UNC80: variants seen among roughly 807,000 people sequenced by gnomAD.
UNC80 encodes the protein protein unc-80 homolog.
UNC80 carries 164 observed loss-of-function variants against 384.6 expected under a neutral mutation model. The observed-to-expected ratio is 0.43, with a 90% CI of 0.38 to 0.49. UNC80 has a LOEUF of 0.49. UNC80 is among the 20% of genes least tolerant of loss of function. UNC80 has a pLI of 0.00. For synonymous variants in UNC80, 1,486 were observed against 1,527.8 expected, an observed-to-expected ratio of 0.97 and a Z score of 0.64; for missense variants, 3,330 against 4,143.0, an observed-to-expected ratio of 0.80 and a Z score of 5.39.
intron 7 of UNC80, among the ~76,000 whole-genome samples, chr2:209,807,052 A>C (rs1024152328): frequency 6.6e-5 from 10 of 152,216 alleles, no homozygotes; most frequent in African/African-American, 2.4e-4. Flanking sequence ...TTCTGTCATA[A>C]CATGTTGTTT....
chr2:209,861,642 C>T (rs1462388175), intron 22 of UNC80, among the ~76,000 whole-genome samples: 1 of 152,166 alleles, frequency 6.6e-6, no homozygotes, highest in East Asian at 1.9e-4. Context: ...TGGTAGAATT[C>T]AGCTGTGAAT....
chr2:209,875,226 A>G (rs556141962), intron 23 of UNC80, among the ~76,000 whole-genome samples: 12 of 152,240 alleles, frequency 7.9e-5, no homozygotes, highest in East Asian at 1.9e-4. Context: ...TTAGGCTACA[A>G]TGCAAATTAG....
At chr2:209,932,037 T>C (rs1005662227) in intron 38 of UNC80, among the ~76,000 whole-genome samples, 1 of 152,104 alleles carries the variant, frequency 6.6e-6, no homozygotes, top group African/African-American at 2.4e-5. Flanking sequence ...TTTATCTGGG[T>C]CCTTCATTTG....
intron 26 of UNC80, among the ~76,000 whole-genome samples, chr2:209,893,531 T>G (rs2086542889): frequency 6.6e-6 from 1 of 152,202 alleles, no homozygotes. Context: ...TCGGGGGGGT[T>G]GCACCATTTG....
Position 209,775,911 on chromosome 2 carries a change from A to T in UNC80, c.164A>T (p.Glu55Val). Residue 55 changes from glutamate (E) to valine (V), a missense_variant, in exon 3 of 65, where the codon GAA becomes GTA. This residue lies in a region of UNC80 where 86 missense variants were observed against 141.5 expected (regional missense o/e 0.61). Coordinates refer to ENST00000673920, the MANE Select transcript of UNC80 (RefSeq NM_001371986.1). ...CAGTCCTTTGAGCGAGTGTTGGTAG[A>T]AAACAAGCTGCATGGCCTCTCTCCA... ...SCVSFERVLV[E>V]NKLHGLSPAL... 6.2e-7 allele frequency: 1 copy of T among 1,614,076 alleles called. No individual in the cohort carries two copies. The highest frequency in any genetic ancestry group is 8.5e-7 in the Non-Finnish European group (1 of 1,180,010).
Position 209,838,745 on chromosome 2 carries a change from A to G in UNC80, c.3042-477A>G, listed in dbSNP as rs111487576. 1.1e-3 allele frequency among the ~76,000 whole-genome samples: 174 copies of G among 152,154 alleles called. 2 individuals carry two copies. Among genetic ancestry groups the G allele is most frequent in the African/African-American group, 4.1e-3 (172 of 41,490 alleles). On this transcript the variant is annotated intron_variant, in intron 18 of 64. Transcript: ENST00000673920. ...GGCAGGCTGAGGCAGACGGATCACG[A>G]GGTCAGGAGATTGAGACCATCCTGG...
chr2:209,953,416 CAAAAAAAAA>C (rs543990253), intron 47 of UNC80, among the ~76,000 whole-genome samples: 2 of 42,442 alleles, frequency 4.7e-5, no homozygotes, highest in Non-Finnish European at 9.7e-5. Context: ...AAGACTCTGT[CAAAAAAAAA>C]AAAAAAAAAA....
rs1470614203 is a variant in UNC80, at chr2:209,772,012, G to A, written c.-61G>A. ...GTTGGGAGCAGCGGGAGGAGGCGGC[G>A]GCGGCGGCTAGCGAGGAGACAGAGC... On this transcript the variant is annotated 5_prime_UTR_variant, in exon 1 of 65. Transcript: ENST00000673920. 4.9e-5 allele frequency: 63 copies of A among 1,278,276 alleles called. No individual in the cohort carries two copies. Among genetic ancestry groups the A allele is most frequent in the Non-Finnish European group, 6.5e-5 (59 of 901,422 alleles). The allele number at this position is 1,278,276 out of a possible 1,614,324, so 79.2% of individuals were successfully genotyped here.
At chr2:209,942,839 T>A (rs1317833736) in intron 44 of UNC80, among the ~76,000 whole-genome samples, 1 of 139,520 alleles carries the variant, frequency 7.2e-6, no homozygotes, top group Non-Finnish European at 1.5e-5. Flanking sequence ...TACTTACAAA[T>A]CCTGGCACTC....
rs1016732100 is a variant in UNC80, at chr2:209,831,511, A to G, written c.2695A>G (p.Ile899Val). The G allele has an allele frequency of 1.3e-5, 20 of 1,551,362 alleles. No individual in the cohort carries two copies. Among genetic ancestry groups the G allele is most frequent in the African/African-American group, 5.5e-5 (4 of 73,002 alleles). The change falls in exon 16 of 65, where the codon ATT (isoleucine) becomes GTT (valine). Residue 899 changes from isoleucine (I) to valine (V), a missense_variant. Ile to Val is a conservative substitution (Grantham distance 29). Around this residue, in one of 8 missense-constraint regions of UNC80, gnomAD observed 937 missense variants for 1,026.8 expected, o/e 0.91. Coordinates refer to ENST00000673920, the MANE Select transcript of UNC80 (RefSeq NM_001371986.1). ...ATCCACAGCCCAAAATGTGGAAGGC[A>G]TTATCGTCAGCGCCATGTTTAAATC... is the stretch of plus-strand genomic sequence containing the variant. ...NKSTAQNVEGIIVSAMFKSLI... is the reference protein window; with the variant it reads ...NKSTAQNVEGVIVSAMFKSLI...
chr2:209,814,393 G>A (rs548168635), intron 8 of UNC80, among the ~76,000 whole-genome samples: 6 of 152,086 alleles, frequency 3.9e-5, no homozygotes, highest in African/African-American at 1.4e-4. Flanking sequence ...ACAGGCGCCC[G>A]CCACCACACC....
At chr2:209,811,124 G>A (rs2079318101) in intron 7 of UNC80, among the ~76,000 whole-genome samples, 1 of 152,156 alleles carries the variant, frequency 6.6e-6, no homozygotes, top group Non-Finnish European at 1.5e-5. Context: ...TTCAAACTGG[G>A]TCTCAGGATA....
At chr2:209,864,799 G>A (rs1289229637) in intron 22 of UNC80, among the ~76,000 whole-genome samples, 8 of 152,310 alleles carry the variant, frequency 5.3e-5, no homozygotes, top group Admixed American at 4.6e-4. Context: ...AGGTCATTGC[G>A]AGTCCCACTG....
In UNC80 at chr2:209,912,584, A is replaced by G. The variant is rs1023477727; in HGVS notation, c.4807A>G (p.Thr1603Ala). The G allele has an allele frequency of 6.4e-7, 1 of 1,551,440 alleles. No homozygotes were observed. ...GTGCTCAGATAAGTCATGCCTGAGG[A>G]CACCTTCTCTAAAGAAGAGAGTTTC... ...KECSDKSCLR[T>A]PSLKKRVSDA... The change falls in exon 30 of 65, where the codon ACA (threonine) becomes GCA (alanine). Residue 1603 changes from threonine (T) to alanine (A), a missense_variant. Thr to Ala is a moderately conservative substitution (Grantham distance 58). Transcript: ENST00000673920.
intron 22 of UNC80, among the ~76,000 whole-genome samples, chr2:209,870,709 T>C (rs2084221168): frequency 6.6e-6 from 1 of 152,208 alleles, no homozygotes; most frequent in Non-Finnish European, 1.5e-5. Context: ...GATGGCTGCA[T>C]TTAAGACATA....
chr2:209,834,931 G>A lies in UNC80; in HGVS notation c.2962G>A (p.Val988Met). ...GCATAGGTCAGAGGCGGGAAGCATTGTGGATAAAGGCCAGGTATCCTCTGC... is the reference window on the plus strand; with the variant it reads ...GCATAGGTCAGAGGCGGGAAGCATTATGGATAAAGGCCAGGTATCCTCTGC... ...GSKRSEAGSI[V>M]DKGQVSSAPE... The change falls in exon 18 of 65, where the codon GTG (valine) becomes ATG (methionine). Residue 988 changes from valine to methionine, a missense_variant. This residue lies in a region of UNC80 where 801 missense variants were observed against 950.8 expected (regional missense o/e 0.84). Coordinates refer to ENST00000673920, the MANE Select transcript of UNC80 (RefSeq NM_001371986.1). 1.3e-6 allele frequency: 2 copies of A among 1,550,572 alleles called. No homozygotes were observed. Among genetic ancestry groups the A allele is most frequent in the Non-Finnish European group, 1.7e-6 (2 of 1,146,196 alleles).
intron 15 of UNC80, 58 bp downstream of exon 15, chr2:209,829,437 G>A: frequency 1.3e-6 from 2 of 1,529,574 alleles, no homozygotes; most frequent in Non-Finnish European, 1.8e-6. Flanking sequence ...ATCAGGTAGT[G>A]TTTCAAGGGG....
chr2:209,844,464 TTTCTTTCTTTCTTTCC>T (rs1313699977), intron 21 of UNC80, among the ~76,000 whole-genome samples: 4 of 58,344 alleles, frequency 6.9e-5, no homozygotes, highest in Non-Finnish European at 1.3e-4. Context: ...TCTTTCTTTC[TTTCTTTCTTTCTTTCC>T]TTCCTTCCTT....
Position 209,971,022 on chromosome 2 carries a change from T to C in UNC80, c.8256+65T>C, listed in dbSNP as rs1046376389. On this transcript the variant is annotated intron_variant, in intron 54 of 64. Coordinates refer to ENST00000673920, the MANE Select transcript of UNC80 (RefSeq NM_001371986.1). ...CTGGTTGAGGCACCAGATCATGGTGTTCTCGTTTTTTTCTGCAAAGGCTGG... is the reference window on the plus strand; with the variant it reads ...CTGGTTGAGGCACCAGATCATGGTGCTCTCGTTTTTTTCTGCAAAGGCTGG... 1.2e-5 allele frequency: 18 copies of C among 1,496,548 alleles called. No homozygotes were observed. In the African/African-American group the frequency reaches 2.4e-4, roughly 20 times the overall value. 92.7% of individuals were successfully genotyped at this position (1,496,548 alleles called of 1,614,324 possible). A position where few individuals can be genotyped will look rare whatever the true frequency, so the allele number is the denominator to read the frequency against.
Sources: gnomAD v4.1 joint callset for allele counts (sites outside exome capture counted in the v4.1 genomes callset) on GRCh38, gnomAD v4.1.1 for gene constraint, gnomAD v4.1.1 regional missense constraint, MANE v1.5 for transcripts, NCBI Gene and HGNC (gene_info 2026-07-23, HGNC 2026-07-21) for gene names.